FSTL4: variants seen among roughly 807,000 people sequenced by gnomAD.
FSTL4 encodes the protein follistatin-related protein 4.
FSTL4 carries 28 observed loss-of-function variants against 78.2 expected under a neutral mutation model. That is an observed-to-expected ratio of 0.36 (90% confidence interval 0.27 to 0.49). FSTL4 has a LOEUF of 0.49. FSTL4 is among the 20% of genes least tolerant of loss of function. The pLI is 0.98. For missense variants in FSTL4, 922 were observed against 1,084.9 expected (o/e 0.85, Z 2.11); for synonymous variants, 422 against 440.5 (o/e 0.96, Z 0.53).
At chr5:133,224,096 TG>T in intron 11 of FSTL4, 93 bp downstream of exon 11, 1 of 957,632 alleles carries the variant, frequency 1.0e-6, no homozygotes, top group Non-Finnish European at 1.7e-6. Flanking sequence ...CTGCTTTGTG[TG>T]GGAAAGCTGG....
chr5:133,697,096 A>T, the FSTL4 span, among the ~76,000 whole-genome samples: 5 of 152,214 alleles, frequency 3.3e-5, no homozygotes, highest in Non-Finnish European at 5.9e-5. Flanking sequence ...CTGTGGGCAC[A>T]TCTTTTGTGT....
chr5:133,365,071 C>T (rs1395452334), intron 4 of FSTL4, among the ~76,000 whole-genome samples: 2 of 152,028 alleles, frequency 1.3e-5, no homozygotes, highest in Non-Finnish European at 2.9e-5. Context: ...GGTTAATTGC[C>T]CAGTTTTTAA....
chr5:133,411,396 A>G (rs1156400055), intron 3 of FSTL4, among the ~76,000 whole-genome samples: 2 of 152,186 alleles, frequency 1.3e-5, no homozygotes, highest in Non-Finnish European at 2.9e-5. Context: ...GAATTTCAGG[A>G]AAGAATTTAA....
At chr5:133,526,908 A>T (rs1759113682) in intron 3 of FSTL4, among the ~76,000 whole-genome samples, 1 of 152,088 alleles carries the variant, frequency 6.6e-6, no homozygotes, top group Admixed American at 6.5e-5. Context: ...CACCTCCAAA[A>T]GGCTCTCCGG....
At chr5:133,761,361 T>C in the FSTL4 span, among the ~76,000 whole-genome samples, 1 of 152,194 alleles carries the variant, frequency 6.6e-6, no homozygotes, top group Non-Finnish European at 1.5e-5. Flanking sequence ...GGCCAATTCT[T>C]GTTATAATAA....
chr5:133,813,229 AAAAT>A, the FSTL4 span, among the ~76,000 whole-genome samples: 1 of 152,266 alleles, frequency 6.6e-6, no homozygotes, highest in African/African-American at 2.4e-5. Context: ...TAAAAAGAAA[AAAAT>A]AAACGTGAAA....
chr5:133,625,400 A>G, the FSTL4 span, among the ~76,000 whole-genome samples: 7 of 151,692 alleles, frequency 4.6e-5, no homozygotes, highest in Non-Finnish European at 8.9e-5. Flanking sequence ...ATTTGTGTGT[A>G]TAGAGTGGTT....
chr5:133,479,379 C>T (rs1463467705), intron 3 of FSTL4, among the ~76,000 whole-genome samples: 2 of 152,190 alleles, frequency 1.3e-5, no homozygotes, highest in Admixed American at 6.5e-5. Flanking sequence ...ATACCGAGGC[C>T]GTAAGACTTC....
chr5:133,427,743 T>G (rs776668012), intron 3 of FSTL4: 1 of 498,314 alleles, frequency 2.0e-6, no homozygotes, highest in Non-Finnish European at 4.3e-6. Flanking sequence ...TTAGATCACA[T>G]GTTGAGAAGC....
intron 2 of FSTL4, among the ~76,000 whole-genome samples, chr5:133,591,407 CA>C (rs1272157707): frequency 6.6e-6 from 1 of 152,200 alleles, no homozygotes; most frequent in Non-Finnish European, 1.5e-5. Context: ...CATGTTTATA[CA>C]AACTTGGCTC....
chr5:133,738,761 G>A, the FSTL4 span, among the ~76,000 whole-genome samples: 1 of 152,194 alleles, frequency 6.6e-6, no homozygotes, highest in African/African-American at 2.4e-5. Flanking sequence ...AACATGGACA[G>A]CCAGAAAGAC....
chr5:133,743,205 G>C, the FSTL4 span, among the ~76,000 whole-genome samples: 1 of 152,152 alleles, frequency 6.6e-6, no homozygotes, highest in African/African-American at 2.4e-5. Flanking sequence ...CTCTCATTTC[G>C]TAAGTGAGGC....
the FSTL4 span, among the ~76,000 whole-genome samples, chr5:133,711,390 A>G: frequency 6.6e-6 from 1 of 152,238 alleles, no homozygotes; most frequent in Non-Finnish European, 1.5e-5. Context: ...CTAACTGGAA[A>G]TCCAGAGAGG....
In FSTL4 at chr5:133,582,573, G is replaced by A. The variant is rs546432951; in HGVS notation, c.127-15354C>T. 2.0e-5 allele frequency among the ~76,000 whole-genome samples: 3 copies of A among 152,232 alleles called. No individual in the cohort carries two copies. In the East Asian group the frequency reaches 5.8e-4, roughly 29 times the overall value. On this transcript the variant is annotated intron_variant, in intron 2 of 15. Transcript: ENST00000265342. ...GGGAGGGGTCCACTAGTTCTACTGT[G>A]GTCAGTAGGCAACAGCTGGGAGACA... is the stretch of plus-strand genomic sequence containing the variant.
At chr5:133,837,699 TCTGGTAGAAC>T in the FSTL4 span, among the ~76,000 whole-genome samples, 2 of 152,178 alleles carry the variant, frequency 1.3e-5, no homozygotes, top group Admixed American at 6.5e-5. Flanking sequence ...GGACTTCCTA[TCTGGTAGAAC>T]CACAATTTTC....
the FSTL4 span, among the ~76,000 whole-genome samples, chr5:133,689,037 G>A: frequency 2.1e-5 from 3 of 144,310 alleles, no homozygotes; most frequent in Non-Finnish European, 4.4e-5. Flanking sequence ...GTCATTGCTT[G>A]GGTCCCCAAG....
the FSTL4 span, among the ~76,000 whole-genome samples, chr5:133,798,668 C>T: frequency 3.9e-5 from 6 of 152,112 alleles, no homozygotes; most frequent in Admixed American, 2.0e-4. Flanking sequence ...CGACATCCTG[C>T]GGTGGCCATA....
intron 8 of FSTL4, chr5:133,226,037 C>T (rs2126795098): frequency 2.6e-6 from 1 of 385,748 alleles, no homozygotes; most frequent in East Asian, 3.8e-5. Flanking sequence ...GACTTTGTAC[C>T]CTATGACTCA....
rs1258876808 is a variant in FSTL4, at chr5:133,400,911, C to A, written c.236G>T (p.Ser79Ile). 2.5e-6 allele frequency: 4 copies of A among 1,613,782 alleles called. No homozygotes were observed. The highest frequency in any genetic ancestry group is 2.2e-5 in the South Asian group (2 of 91,090). Residue 79 changes from serine to isoleucine, a missense_variant, in exon 4 of 16, where the codon AGC becomes ATC. Physicochemically the swap from Ser to Ile is moderately radical, Grantham distance 142 (BLOSUM62 -2). Transcript: ENST00000265342. ...GCATTCGGGCTCCCCTGTCTTCCTG[C>A]TGAGCACGCACCGGCTCCCTCGGCT... ...FCSRGSRCVL[S>I]RKTGEPECQC...
Sources: allele counts gnomAD v4.1 joint callset (sites outside exome capture counted in the v4.1 genomes callset), GRCh38; gene constraint gnomAD v4.1.1; transcripts MANE v1.5; gene names NCBI Gene and HGNC (gene_info 2026-07-23, HGNC 2026-07-21).